HEPACAM2: variants seen among roughly 807,000 people sequenced by gnomAD.
HEPACAM2 encodes HEPACAM family member 2.
A neutral mutation model predicts 49.6 loss-of-function variants in HEPACAM2; 49 were observed. The observed-to-expected ratio is 0.99, with a 90% confidence interval of 0.78 to 1.25. HEPACAM2 has a LOEUF of 1.25. Among genes scored for constraint, HEPACAM2 ranks in the 50% most tolerant of loss-of-function variants. The pLI, the probability that HEPACAM2 is intolerant of heterozygous loss-of-function variation, is 0.00. For synonymous variants in HEPACAM2, 197 were observed against 202.9 expected, an observed-to-expected ratio of 0.97 and a Z score of 0.25; for missense variants, 525 against 557.2, an observed-to-expected ratio of 0.94 and a Z score of 0.58.
At chr7:93,210,347 T>G (rs1351255236) in intron 3 of HEPACAM2, among the ~76,000 whole-genome samples, 1 of 151,956 alleles carries the variant, frequency 6.6e-6, no homozygotes, top group Non-Finnish European at 1.5e-5. Context: ...AAAGAGATAT[T>G]TAAACAATTT....
At chr7:93,225,873 G>A in intron 1 of HEPACAM2, 1 of 1,303,366 alleles carries the variant, frequency 7.7e-7, no homozygotes, top group Non-Finnish European at 1.0e-6. Context: ...TTGTTAGTTT[G>A]GAATCTTACC....
intron 4 of HEPACAM2, among the ~76,000 whole-genome samples, chr7:93,200,382 T>C (rs1793851889): frequency 6.6e-6 from 1 of 152,080 alleles, no homozygotes; most frequent in Non-Finnish European, 1.5e-5. Flanking sequence ...AAACAACAAA[T>C]AATGAAATCA....
intron 2 of HEPACAM2, among the ~76,000 whole-genome samples, chr7:93,217,169 A>G (rs1794325383): frequency 1.3e-5 from 2 of 152,318 alleles, no homozygotes; most frequent in East Asian, 1.9e-4. Flanking sequence ...TAAATTGTGT[A>G]CATTTAATAT....
In HEPACAM2 at chr7:93,197,280, T is replaced by A; in HGVS notation, c.1164-2A>T. ...GCTTTCCTGTATTCTGTTTCTGGCCTGAAAAGACAAAATAGGTATTTTTGT... is the reference window on the plus strand; with the variant it reads ...GCTTTCCTGTATTCTGTTTCTGGCCAGAAAAGACAAAATAGGTATTTTTGT... On this transcript the variant is annotated splice_acceptor_variant, in intron 6 of 9. Transcript: ENST00000394468. LOFTEE classifies it high-confidence loss of function. 1 of 1,610,772 alleles carries A rather than the reference T, an allele frequency of 6.2e-7. No homozygotes were observed. Among genetic ancestry groups the A allele is most frequent in the Non-Finnish European group, 8.5e-7 (1 of 1,178,554 alleles).
chr7:93,218,047 C>G (rs1467924152), intron 2 of HEPACAM2, among the ~76,000 whole-genome samples: 1 of 151,934 alleles, frequency 6.6e-6, no homozygotes, highest in Non-Finnish European at 1.5e-5. Flanking sequence ...CTAGGTAGAG[C>G]AAACAGCAAG....
At position 93,201,693 on chromosome 7, in the gene HEPACAM2, C is replaced by A. The variant is rs116425463; in HGVS notation, c.1013-4083G>T. ...ACAAAGTCCTTCTCCCAAATGAAGC[C>A]CAAATCTACTCAGTTCTACCAATTG... On this transcript the variant is annotated intron_variant, in intron 4 of 9. Coordinates refer to ENST00000394468, the MANE Select transcript of HEPACAM2 (RefSeq NM_001039372.4). Among the ~76,000 whole-genome samples, 1,203 of 152,052 alleles carry A rather than the reference C, an allele frequency of 7.9e-3. 13 individuals carry two copies. Among genetic ancestry groups the A allele is most frequent in the African/African-American group, 0.027 (1,120 of 41,488 alleles).
At chr7:93,223,030 C>T (rs952250209) in intron 1 of HEPACAM2, among the ~76,000 whole-genome samples, 1 of 152,202 alleles carries the variant, frequency 6.6e-6, no homozygotes, top group Non-Finnish European at 1.5e-5. Context: ...GAAAAAGCTG[C>T]ATGGCTGCTA....
chr7:93,221,456 T>C (rs1794449568), intron 1 of HEPACAM2, among the ~76,000 whole-genome samples: 1 of 152,184 alleles, frequency 6.6e-6, no homozygotes, highest in Non-Finnish European at 1.5e-5. Context: ...GATTATTTCC[T>C]TGGAAAAACT....
rs1224126688 is a variant in HEPACAM2, at chr7:93,197,511, A to C, written c.1112T>G (p.Leu371Arg). 1.3e-6 allele frequency: 2 copies of C among 1,593,602 alleles called. No individual in the cohort carries two copies. The highest frequency in any genetic ancestry group is 1.7e-6 in the Non-Finnish European group (2 of 1,167,070). The change falls in exon 5 of 10, where the codon CTA (leucine) becomes CGA (arginine). Residue 371 changes from leucine to arginine, a missense_variant. By Grantham distance (102) the Leu-to-Arg change is moderately radical. Coordinates refer to ENST00000394468, the MANE Select transcript of HEPACAM2 (RefSeq NM_001039372.4). ...TTTGTAGGGTTGATATTTTTTCCATAGGAAGAGAAGACACATGGATATAAT... is the reference window on the plus strand; with the variant it reads ...TTTGTAGGGTTGATATTTTTTCCATCGGAAGAGAAGACACATGGATATAAT... ...FLIISMCLLF[L>R]WKKYQPYKVI...
upstream of HEPACAM2, among the ~76,000 whole-genome samples, chr7:93,229,286 G>T (rs1408212110): frequency 6.6e-6 from 1 of 152,180 alleles, no homozygotes; most frequent in African/African-American, 2.4e-5. Context: ...CTGCCTCGTG[G>T]AAGCCTTGAT....
At chr7:93,217,204 G>A (rs1794325906) in intron 2 of HEPACAM2, among the ~76,000 whole-genome samples, 1 of 152,128 alleles carries the variant, frequency 6.6e-6, no homozygotes, top group Non-Finnish European at 1.5e-5. Flanking sequence ...TATTTCAAAT[G>A]TACCTGTGTG....
chr7:93,190,426 A>G (rs1793513631), intron 9 of HEPACAM2, among the ~76,000 whole-genome samples: 1 of 151,900 alleles, frequency 6.6e-6, no homozygotes, highest in African/African-American at 2.4e-5. Flanking sequence ...GTAAAAGAAG[A>G]GAGAGCCACT....
chr7:93,213,702 T>TTCCTTG (rs1794235158), intron 3 of HEPACAM2, among the ~76,000 whole-genome samples: 1 of 151,984 alleles, frequency 6.6e-6, no homozygotes, highest in African/African-American at 2.4e-5. Flanking sequence ...GGGTTTGGGG[T>TTCCTTG]GTTCACAAGA....
intron 3 of HEPACAM2, among the ~76,000 whole-genome samples, chr7:93,209,300 A>G (rs1041097346): frequency 6.6e-6 from 1 of 151,984 alleles, no homozygotes; most frequent in South Asian, 2.1e-4. Context: ...TAATTGAGAC[A>G]TGATAATCGT....
At position 93,188,926 on chromosome 7, in the gene HEPACAM2, A is replaced by G. The variant is rs142296311; in HGVS notation, c.*341T>C. ...GATAGTCTCAGTGTTGATGATAGTG[A>G]AAGTGTAGAGTAGAACTAATTGAGG... On this transcript the variant is annotated 3_prime_UTR_variant, in exon 10 of 10. Coordinates refer to ENST00000394468, the MANE Select transcript of HEPACAM2 (RefSeq NM_001039372.4). 13 of 404,660 alleles carry G rather than the reference A, an allele frequency of 3.2e-5. No homozygotes were observed. The highest frequency in any genetic ancestry group is 6.2e-4 in the Middle Eastern group (1 of 1,606). The allele number at this position is 404,660 out of a possible 1,614,324, so 25.1% of individuals were successfully genotyped here.
intron 3 of HEPACAM2, among the ~76,000 whole-genome samples, chr7:93,211,201 GA>G (rs1794170526): frequency 6.6e-6 from 1 of 152,016 alleles, no homozygotes; most frequent in African/African-American, 2.4e-5. Context: ...TAGAGAAAAA[GA>G]CATATGGAGA....
chr7:93,223,319 T>A (rs1794484848), intron 1 of HEPACAM2, among the ~76,000 whole-genome samples: 1 of 152,192 alleles, frequency 6.6e-6, no homozygotes, highest in African/African-American at 2.4e-5. Context: ...GAAATGTTGA[T>A]GACTTTTGGA....
At chr7:93,210,250 A>C (rs1057430334) in intron 3 of HEPACAM2, among the ~76,000 whole-genome samples, 6 of 151,952 alleles carry the variant, frequency 3.9e-5, no homozygotes, top group African/African-American at 1.4e-4. Flanking sequence ...ATGAGAAGGC[A>C]CTTTAAGTGC....
Position 93,208,574 on chromosome 7 carries a change from A to G in HEPACAM2, c.1012+6T>C, listed in dbSNP as rs745996606. On this transcript the variant is annotated splice_donor_region_variant and intron_variant, in intron 4 of 9. Transcript: ENST00000394468. ...TTAGGATCCCTTCCTTGTATGTCAC[A>G]CATACCTACGGAAGTGATGATAACT... is the stretch of plus-strand genomic sequence containing the variant. 9.9e-6 allele frequency: 16 copies of G among 1,609,742 alleles called. No homozygotes were observed. In the South Asian group the frequency reaches 1.7e-4, roughly 17 times the overall value.
Sources: allele counts gnomAD v4.1 joint callset (sites outside exome capture counted in the v4.1 genomes callset), GRCh38; gene constraint gnomAD v4.1.1; transcripts MANE v1.5; gene names NCBI Gene and HGNC (gene_info 2026-07-23, HGNC 2026-07-21).